The following CINP variants were observed in gnomAD, a reference collection of about 807,000 sequenced individuals.
CINP encodes the protein cyclin-dependent kinase 2-interacting protein.
A neutral mutation model predicts 20.5 loss-of-function variants in CINP; 11 were observed. That is an observed-to-expected ratio of 0.54 (90% CI 0.34 to 0.89). The LOEUF (loss-of-function observed/expected upper bound fraction) is 0.89. Among genes scored for constraint, CINP ranks in the 40% least tolerant of loss-of-function variants. CINP has a pLI of 0.02. For synonymous variants in CINP, 108 were observed against 102.1 expected, an observed-to-expected ratio of 1.06 and a Z score of -0.35; for missense variants, 213 against 251.0, an observed-to-expected ratio of 0.85 and a Z score of 1.02.
chr14:102,349,767 A>G (rs1453190017), intron 4 of CINP, 152 bp downstream of exon 4: 11 of 903,806 alleles, frequency 1.2e-5, no homozygotes, highest in Non-Finnish European at 1.7e-5. Context: ...CCAAGAAGAA[A>G]TGTTTAAGAT....
rs56353299 is a variant in CINP, at chr14:102,359,224, C to G, written c.176+195G>C. Among the ~76,000 whole-genome samples, 3 of 51,166 alleles carry G rather than the reference C, an allele frequency of 5.9e-5. No homozygotes were observed. The East Asian group carries it at 1.5e-3, about 26-fold the overall frequency. The allele number at this position is 51,166 out of a possible 152,430, so 33.6% of individuals were successfully genotyped here. Reference sequence around the variant, plus strand: ...TCCAAAAAAATAAATAAATAAATAACTAAATATATATATATATATATATAT... The same window carrying G: ...TCCAAAAAAATAAATAAATAAATAAGTAAATATATATATATATATATATAT... On this transcript the variant is annotated intron_variant, in intron 2 of 4. Transcript: ENST00000216756.
chr14:102,361,501 C>A (rs934446202), intron 1 of CINP, among the ~76,000 whole-genome samples: 1 of 152,078 alleles, frequency 6.6e-6, no homozygotes, highest in African/African-American at 2.4e-5. Context: ...ATCAGCCGGG[C>A]GTGGTGGCGG....
In CINP at chr14:102,357,384, C is replaced by CAAAAAAAAAAAA. The variant is rs60214361; in HGVS notation, c.177-1499_177-1488dup. Among the ~76,000 whole-genome samples, 3 of 111,354 alleles carry CAAAAAAAAAAAA rather than the reference C, an allele frequency of 2.7e-5. 1 individual carries two copies. The highest frequency in any genetic ancestry group is 3.5e-5 in the African/African-American group (1 of 28,352). The allele number at this position is 111,354 out of a possible 152,430, so 73.1% of individuals were successfully genotyped here. The stretch of plus-strand genomic sequence containing the variant: ...GCGACAGAGCGAGACTCCATCTCTA[C>CAAAAAAAAAAAA]AAAAAAAAAAAAAAAAAAGCTAAGA... On this transcript the variant is annotated intron_variant, in intron 2 of 4. Transcript: ENST00000216756.
At chr14:102,360,369 G>T (rs1271229850) in intron 1 of CINP, among the ~76,000 whole-genome samples, 5 of 151,902 alleles carry the variant, frequency 3.3e-5, no homozygotes, top group Non-Finnish European at 7.4e-5. Context: ...GCCAACTCAG[G>T]TTGTTTGTTC....
intron 2 of CINP, among the ~76,000 whole-genome samples, chr14:102,357,833 A>G (rs1017722514): frequency 2.6e-4 from 40 of 152,392 alleles, no homozygotes; most frequent in Non-Finnish European, 2.9e-5. Context: ...AGGTGGCTAC[A>G]TGATACAACA....
chr14:102,362,878 G>A lies in CINP; in HGVS notation c.-27C>T. 1 of 1,613,876 alleles carries A rather than the reference G, an allele frequency of 6.2e-7. No homozygotes were observed. The highest frequency in any genetic ancestry group is 8.5e-7 in the Non-Finnish European group (1 of 1,179,814). Reference sequence around the variant, plus strand: ...AGGTCCACAGATATCCGTAGAAGGAGACGCGAAGCCCCGCCCACCCCACCG... The same window carrying A: ...AGGTCCACAGATATCCGTAGAAGGAAACGCGAAGCCCCGCCCACCCCACCG... On this transcript the variant is annotated 5_prime_UTR_variant, in exon 1 of 5. Coordinates refer to ENST00000216756, the MANE Select transcript of CINP (RefSeq NM_032630.3).
chr14:102,350,802 C>T (rs993663185), intron 3 of CINP, among the ~76,000 whole-genome samples: 9 of 142,844 alleles, frequency 6.3e-5, no homozygotes, highest in Admixed American at 1.4e-4. Flanking sequence ...TGTTCTCTCT[C>T]TCTCTCTTTT....
chr14:102,350,747 G>A lies in CINP; in HGVS notation c.307-699C>T, dbSNP rs773518490. On this transcript the variant is annotated intron_variant, in intron 3 of 4. Transcript: ENST00000216756. ...TCTCTCTCTTTTATCAAATGAGCTC[G>A]TTTCTGAGGCTCTCTGTCTCTCTAT... 3.3e-5 allele frequency among the ~76,000 whole-genome samples: 5 copies of A among 150,114 alleles called. No homozygotes were observed. In the East Asian group the frequency reaches 7.8e-4, roughly 24 times the overall value.
At chr14:102,355,982 A>C (rs1886991290) in intron 2 of CINP, 85 bp from the exon 3 acceptor site, 1 of 1,397,988 alleles carries the variant, frequency 7.2e-7, no homozygotes, top group African/African-American at 1.4e-5. Flanking sequence ...AAACCTCTAT[A>C]TCCACATAGT....
chr14:102,348,386 T>G lies in CINP; in HGVS notation c.*171A>C. The G allele has an allele frequency of 1.6e-6, 1 of 618,078 alleles. No homozygotes were observed. The highest frequency in any genetic ancestry group is 2.8e-6 in the Non-Finnish European group (1 of 356,318). The allele number at this position is 618,078 out of a possible 1,614,324, so 38.3% of individuals were successfully genotyped here. On this transcript the variant is annotated 3_prime_UTR_variant, in exon 5 of 5. Transcript: ENST00000216756. ...AGCACCACGTGGGGCTGGCCGCGGG[T>G]TGTGGGCATGAGCACGCCTGGAGAG... is the stretch of plus-strand genomic sequence containing the variant.
In CINP at chr14:102,362,877, A is replaced by G. The variant is rs748797038; in HGVS notation, c.-26T>C. ...AAGGTCCACAGATATCCGTAGAAGG[A>G]GACGCGAAGCCCCGCCCACCCCACC... On this transcript the variant is annotated 5_prime_UTR_variant, in exon 1 of 5. Coordinates refer to ENST00000216756, the MANE Select transcript of CINP (RefSeq NM_032630.3). The G allele has an allele frequency of 6.2e-7, 1 of 1,613,822 alleles. No homozygotes were observed. Among genetic ancestry groups the G allele is most frequent in the South Asian group, 1.1e-5 (1 of 91,048 alleles).
At chr14:102,358,921 A>G (rs546373213) in intron 2 of CINP, among the ~76,000 whole-genome samples, 1 of 152,242 alleles carries the variant, frequency 6.6e-6, no homozygotes, top group South Asian at 2.1e-4. Context: ...CTGTGGTTTT[A>G]AAAATCAGAA....
In CINP at chr14:102,355,209, C is replaced by T. The variant is rs144763342; in HGVS notation, c.306+559G>A. On this transcript the variant is annotated intron_variant, in intron 3 of 4. Transcript: ENST00000216756. ...TAGCTGAGATAGAGACTGGCTGGCCCTGGAAGCCTAAAATATTTACTCTGT... is the reference window on the plus strand; with the variant it reads ...TAGCTGAGATAGAGACTGGCTGGCCTTGGAAGCCTAAAATATTTACTCTGT... 4.5e-3 allele frequency among the ~76,000 whole-genome samples: 686 copies of T among 152,156 alleles called. 8 individuals carry two copies. The highest frequency in any genetic ancestry group is 0.016 in the African/African-American group (651 of 41,518).
intron 3 of CINP, chr14:102,352,376 C>T (rs1886887225): frequency 2.9e-6 from 1 of 349,222 alleles, no homozygotes; most frequent in Non-Finnish European, 5.7e-6. Context: ...CACATAGGCA[C>T]GTGCAGCCCT....
intron 1 of CINP, among the ~76,000 whole-genome samples, chr14:102,362,021 T>C (rs374705517): frequency 2.0e-4 from 31 of 152,356 alleles, no homozygotes; most frequent in South Asian, 4.1e-4. Context: ...GTAGGAACTA[T>C]GTCTCGTTCT....
At position 102,355,797 on chromosome 14, in the gene CINP, C is replaced by T. The variant is rs1886985354; in HGVS notation, c.277G>A (p.Glu93Lys). The T allele has an allele frequency of 6.2e-7, 1 of 1,614,032 alleles. No homozygotes were observed. Reference protein sequence around the residue: ...EYNEELEKLCEELQATLDGLT... With the variant: ...EYNEELEKLCKELQATLDGLT... ...CCATCCAAGGTGGCCTGCAGTTCCT[C>T]ACACAGCTTCTCCAGTTCCTCGTTA... Residue 93 changes from glutamate (E) to lysine (K), a missense_variant, in exon 3 of 5, where the codon GAG becomes AAG. Glu to Lys is a moderately conservative substitution (Grantham distance 56). Coordinates refer to ENST00000216756, the MANE Select transcript of CINP (RefSeq NM_032630.3).
chr14:102,355,280 G>T (rs1286397654), intron 3 of CINP, among the ~76,000 whole-genome samples: 1 of 152,042 alleles, frequency 6.6e-6, no homozygotes, highest in Non-Finnish European at 1.5e-5. Context: ...CCTTTGGGAG[G>T]CCAGCAGGTG....
chr14:102,349,169 G>A (rs776923412), intron 4 of CINP, among the ~76,000 whole-genome samples: 7 of 152,138 alleles, frequency 4.6e-5, no homozygotes, highest in Non-Finnish European at 8.8e-5. Context: ...CACGAGAATC[G>A]CTTGTGCCTG....
At chr14:102,356,241 C>T (rs1159499081) in intron 2 of CINP, among the ~76,000 whole-genome samples, 1 of 152,000 alleles carries the variant, frequency 6.6e-6, no homozygotes, top group Non-Finnish European at 1.5e-5. Context: ...ACAGTGAGAC[C>T]TCATCTCCAC....
Sources: gnomAD v4.1 joint callset for allele counts (sites outside exome capture counted in the v4.1 genomes callset) on GRCh38, gnomAD v4.1.1 for gene constraint, MANE v1.5 for transcripts, NCBI Gene and HGNC (gene_info 2026-07-23, HGNC 2026-07-21) for gene names.